The following MAN2A1 variants were observed in gnomAD, a reference collection of about 807,000 sequenced individuals.
MAN2A1 encodes alpha-mannosidase 2.
In MAN2A1, 76 loss-of-function variants were observed where a neutral mutation model predicts 142.6. The ratio of observed to expected loss-of-function variants is 0.53; its 90% CI spans 0.44 to 0.65. The LOEUF is 0.65. Among genes scored for constraint, MAN2A1 ranks in the 30% least tolerant of loss-of-function variants. The pLI, the probability that MAN2A1 is intolerant of heterozygous loss-of-function variation, is 0.00. For synonymous variants in MAN2A1, 559 were observed against 473.2 expected, an observed-to-expected ratio of 1.18 and a Z score of -2.35; for missense variants, 1,311 against 1,365.1, an observed-to-expected ratio of 0.96 and a Z score of 0.62.
At chr5:109,846,913 T>C (rs1050650563) in intron 18 of MAN2A1, among the ~76,000 whole-genome samples, 1 of 152,100 alleles carries the variant, frequency 6.6e-6, no homozygotes, top group African/African-American at 2.4e-5. Context: ...GTAGGGAGGG[T>C]TAGAGACTTG....
intron 1 of MAN2A1, among the ~76,000 whole-genome samples, chr5:109,712,833 A>G (rs557093769): frequency 1.3e-5 from 2 of 152,322 alleles, no homozygotes; most frequent in South Asian, 2.1e-4. Context: ...AGGGGTGAAC[A>G]AGGTAAAGAT....
chr5:109,742,355 A>AT (rs1372856649), intron 4 of MAN2A1, among the ~76,000 whole-genome samples: 2 of 152,194 alleles, frequency 1.3e-5, no homozygotes, highest in Non-Finnish European at 2.9e-5. Context: ...ATCAGTTAGT[A>AT]TAGATTTTTT....
chr5:109,808,878 T>C (rs1754244753), intron 12 of MAN2A1, among the ~76,000 whole-genome samples: 1 of 151,976 alleles, frequency 6.6e-6, no homozygotes, highest in Non-Finnish European at 1.5e-5. Flanking sequence ...AATTTTTGTA[T>C]TTTTAGTAGA....
chr5:109,692,536 G>C (rs1750700913), intron 1 of MAN2A1, among the ~76,000 whole-genome samples: 1 of 152,144 alleles, frequency 6.6e-6, no homozygotes, highest in Non-Finnish European at 1.5e-5. Flanking sequence ...GTGGCGAGGG[G>C]ACTGAGGCAC....
rs575580409 is a variant in MAN2A1, at chr5:109,843,324, G to C, written c.2700+863G>C. Reference sequence around the variant, plus strand: ...GGAACTGCCATTTATAAAACCATCAGATCTTGTGAGATCTCCCTCACTGTC... The same window carrying C: ...GGAACTGCCATTTATAAAACCATCACATCTTGTGAGATCTCCCTCACTGTC... On this transcript the variant is annotated intron_variant, in intron 17 of 21. Coordinates refer to ENST00000261483, the MANE Select transcript of MAN2A1 (RefSeq NM_002372.4). 6.2e-4 allele frequency among the ~76,000 whole-genome samples: 94 copies of C among 152,228 alleles called. 2 individuals are homozygous for C. In the South Asian group the frequency reaches 0.019, roughly 31 times the overall value.
At position 109,706,062 on chromosome 5, in the gene MAN2A1, T is replaced by C. The variant is rs1219557579; in HGVS notation, c.136-7458T>C. On this transcript the variant is annotated intron_variant, in intron 1 of 21. Transcript: ENST00000261483. ...AGGGATTATTAGGACAGGGATATCT[T>C]TGACTAAACATTATTCTGCTTACTG... 2.0e-5 allele frequency among the ~76,000 whole-genome samples: 3 copies of C among 152,362 alleles called. No individual in the cohort carries two copies. The East Asian group carries it at 5.8e-4, about 29-fold the overall frequency.
At chr5:109,771,102 G>A (rs939924080) in intron 7 of MAN2A1, among the ~76,000 whole-genome samples, 18 of 151,978 alleles carry the variant, frequency 1.2e-4, no homozygotes, top group African/African-American at 2.7e-4. Context: ...AAAATCAAAG[G>A]TATGAATCAT....
At chr5:109,804,755 A>G (rs139405936) in intron 12 of MAN2A1, among the ~76,000 whole-genome samples, 62 of 152,274 alleles carry the variant, frequency 4.1e-4, no homozygotes, top group East Asian at 2.9e-3. Flanking sequence ...TTTCTCCTCT[A>G]TTCACCTGGA....
In MAN2A1 at chr5:109,690,569, G is replaced by A. The variant is rs748461519; in HGVS notation, c.135+17G>A. The A allele has an allele frequency of 6.3e-6, 10 of 1,578,002 alleles. No individual in the cohort carries two copies. The highest frequency in any genetic ancestry group is 7.7e-6 in the Non-Finnish European group (9 of 1,162,592). ...TTCCCTCAGGTAAGCACCTGGGAAGGGGGCGCGGGGCTCCGAGGGGCCAGG... is the reference window on the plus strand; with the variant it reads ...TTCCCTCAGGTAAGCACCTGGGAAGAGGGCGCGGGGCTCCGAGGGGCCAGG... On this transcript the variant is annotated intron_variant, in intron 1 of 21. Transcript: ENST00000261483.
chr5:109,695,541 C>CT (rs952467761), intron 1 of MAN2A1, among the ~76,000 whole-genome samples: 5 of 152,116 alleles, frequency 3.3e-5, no homozygotes, highest in African/African-American at 9.7e-5. Flanking sequence ...TTATTCTTAG[C>CT]TTTTTTTGCA....
At chr5:109,815,820 T>C (rs985943583) in intron 12 of MAN2A1, among the ~76,000 whole-genome samples, 1 of 152,140 alleles carries the variant, frequency 6.6e-6, no homozygotes, top group Non-Finnish European at 1.5e-5. Flanking sequence ...CTACAATGTA[T>C]TGGGGGAGAG....
intron 17 of MAN2A1, among the ~76,000 whole-genome samples, chr5:109,843,889 A>T (rs1262310446): frequency 6.6e-6 from 1 of 152,224 alleles, no homozygotes; most frequent in East Asian, 1.9e-4. Context: ...CTGGCTGTGA[A>T]TAGAAATAAT....
intron 16 of MAN2A1, among the ~76,000 whole-genome samples, chr5:109,832,156 GTTTTCTTTTTT>G: frequency 1.3e-5 from 1 of 79,232 alleles, no homozygotes; most frequent in South Asian, 6.9e-4. Context: ...AATGGAAGGA[GTTTTCTTTTTT>G]TTTTTTTTTT....
At chr5:109,831,805 A>ATGTGTGTGTGTGTGTG (rs55738132) in intron 16 of MAN2A1, among the ~76,000 whole-genome samples, 6 of 144,770 alleles carry the variant, frequency 4.1e-5, no homozygotes, top group African/African-American at 1.5e-4. Context: ...AACAAAAATC[A>ATGTGTGTGTGTGTGTG]TGTGTGTGTG....
chr5:109,744,592 G>A (rs1287195862), intron 4 of MAN2A1, among the ~76,000 whole-genome samples: 1 of 152,072 alleles, frequency 6.6e-6, no homozygotes, highest in Non-Finnish European at 1.5e-5. Flanking sequence ...CTTTTAGAAT[G>A]GCTAAAATAA....
chr5:109,695,819 T>G (rs148816253), intron 1 of MAN2A1, among the ~76,000 whole-genome samples: 120 of 152,278 alleles, frequency 7.9e-4, no homozygotes, highest in African/African-American at 2.6e-3. Flanking sequence ...AGTAGGACAT[T>G]TTAACTAAAA....
At chr5:109,706,328 A>G (rs1751130591) in intron 1 of MAN2A1, among the ~76,000 whole-genome samples, 1 of 152,292 alleles carries the variant, frequency 6.6e-6, no homozygotes, top group African/African-American at 2.4e-5. Context: ...ATATTGTAGT[A>G]CCCTTCAAAG....
At chr5:109,827,118 T>G (rs2112735998) in intron 16 of MAN2A1, among the ~76,000 whole-genome samples, 1 of 152,328 alleles carries the variant, frequency 6.6e-6, no homozygotes, top group South Asian at 2.1e-4. Flanking sequence ...CTATTTGTTG[T>G]TAGTACCAGA....
intron 12 of MAN2A1, among the ~76,000 whole-genome samples, chr5:109,815,751 A>G (rs530778099): frequency 3.9e-5 from 6 of 152,288 alleles, no homozygotes; most frequent in African/African-American, 1.2e-4. Flanking sequence ...AAGCAAAAAT[A>G]TATAGAACAC....
Sources: allele counts gnomAD v4.1 joint callset (sites outside exome capture counted in the v4.1 genomes callset), GRCh38; gene constraint gnomAD v4.1.1; transcripts MANE v1.5; gene names NCBI Gene and HGNC (gene_info 2026-07-23, HGNC 2026-07-21).